The following PEBP4 variants were observed in gnomAD, a reference collection of about 807,000 sequenced individuals.
The protein encoded by PEBP4 is phosphatidylethanolamine-binding protein 4.
PEBP4 carries 22 observed loss-of-function variants against 23.9 expected under a neutral mutation model. That is an observed-to-expected ratio of 0.92 (90% CI 0.66 to 1.31). The LOEUF is 1.31. Ranked by LOEUF, PEBP4 falls within the 40% of genes most tolerant of loss-of-function variation. The pLI is 0.00. For missense variants in PEBP4, 324 were observed against 281.7 expected (o/e 1.15, Z -1.07); for synonymous variants, 112 against 99.3 (o/e 1.13, Z -0.76).
At chr8:22,927,531 C>G (rs1259733534) in intron 2 of PEBP4, 53 bp downstream of exon 2, 1 of 1,565,144 alleles carries the variant, frequency 6.4e-7, no homozygotes, top group East Asian at 2.3e-5. Flanking sequence ...TCCCTGCCAT[C>G]TACCTGCCTG....
chr8:22,913,814 T>G (rs558133846), intron 3 of PEBP4, among the ~76,000 whole-genome samples: 1 of 152,288 alleles, frequency 6.6e-6, no homozygotes, highest in African/African-American at 2.4e-5. Context: ...CTGCCAGAAT[T>G]TACTTATTTA....
intron 3 of PEBP4, among the ~76,000 whole-genome samples, chr8:22,833,075 G>C (rs1047683603): frequency 6.6e-6 from 1 of 152,146 alleles, no homozygotes; most frequent in Admixed American, 6.5e-5. Context: ...CACAATAAAG[G>C]TTCTTGCCCA....
intron 4 of PEBP4, among the ~76,000 whole-genome samples, chr8:22,810,909 A>AGAGG (rs1160866323): frequency 1.3e-5 from 2 of 151,142 alleles, no homozygotes; most frequent in South Asian, 2.1e-4. Flanking sequence ...AGAGAGAGAG[A>AGAGG]GAGAGAAACC....
intron 1 of PEBP4, among the ~76,000 whole-genome samples, chr8:22,932,969 C>T (rs1809481352): frequency 6.7e-6 from 1 of 150,318 alleles, no homozygotes; most frequent in African/African-American, 2.5e-5. Flanking sequence ...CGTACTACTG[C>T]ACTCTAGCCT....
chr8:22,777,530 G>A (rs1401327155), intron 4 of PEBP4, among the ~76,000 whole-genome samples: 1 of 152,160 alleles, frequency 6.6e-6, no homozygotes, highest in Non-Finnish European at 1.5e-5. Flanking sequence ...AGGCCACATT[G>A]ACAGGACCTC....
At chr8:22,919,825 G>T (rs568021023) in intron 3 of PEBP4, among the ~76,000 whole-genome samples, 1 of 152,196 alleles carries the variant, frequency 6.6e-6, no homozygotes, top group African/African-American at 2.4e-5. Flanking sequence ...CCCATACCAC[G>T]CCTTCTTCCA....
At chr8:22,776,811 C>T (rs905974457) in intron 4 of PEBP4, among the ~76,000 whole-genome samples, 2 of 149,254 alleles carry the variant, frequency 1.3e-5, no homozygotes, top group South Asian at 4.4e-4. Flanking sequence ...TCAATGAATC[C>T]CATGCCAGCT....
intron 4 of PEBP4, among the ~76,000 whole-genome samples, chr8:22,776,839 G>A (rs1805824307): frequency 6.6e-6 from 1 of 150,424 alleles, no homozygotes; most frequent in South Asian, 2.2e-4. Context: ...CCTCTTCAGA[G>A]CAGCGCTGAA....
At chr8:22,804,365 C>G (rs1806450524) in intron 4 of PEBP4, among the ~76,000 whole-genome samples, 1 of 152,110 alleles carries the variant, frequency 6.6e-6, no homozygotes, top group African/African-American at 2.4e-5. Flanking sequence ...AGTTTTTACC[C>G]CGTGTTGGAA....
At chr8:22,930,950 A>C (rs928897715), upstream of PEBP4, among the ~76,000 whole-genome samples, 1 of 152,046 alleles carries the variant, frequency 6.6e-6, no homozygotes, top group African/African-American at 2.4e-5. Context: ...AGACACCACC[A>C]TTCAAGCCAA....
chr8:22,841,088 C>T (rs1215679435), intron 3 of PEBP4, among the ~76,000 whole-genome samples: 2 of 152,220 alleles, frequency 1.3e-5, no homozygotes, highest in African/African-American at 2.4e-5. Context: ...TATTCTGCAG[C>T]CAACACACCA....
chr8:22,760,391 G>A (rs79151941), intron 4 of PEBP4, among the ~76,000 whole-genome samples: 181 of 152,232 alleles, frequency 1.2e-3, no homozygotes, highest in African/African-American at 3.6e-3. Context: ...TCTGGTAAAC[G>A]CCTCACAAGC....
chr8:22,773,605 C>T (rs932392759), intron 4 of PEBP4, among the ~76,000 whole-genome samples: 10 of 152,166 alleles, frequency 6.6e-5, no homozygotes, highest in Non-Finnish European at 1.5e-4. Context: ...CCGAAGCTAG[C>T]AAAGTCATCC....
intron 1 of PEBP4, among the ~76,000 whole-genome samples, chr8:22,940,210 T>A (rs1301606814): frequency 1.3e-5 from 2 of 152,182 alleles, no homozygotes; most frequent in South Asian, 4.1e-4. Flanking sequence ...TCTTCCTATA[T>A]CATGGAAGGG....
rs1003838835 is a variant in PEBP4 at position 22,738,558 on chromosome 8, C to T, written c.358-11338G>A. 2.0e-5 allele frequency among the ~76,000 whole-genome samples: 3 copies of T among 152,108 alleles called. No individual in the cohort carries two copies. The East Asian group carries it at 5.8e-4, about 29-fold the overall frequency. ...GAGATGGGAGAAGCTGGAGCTGGGA[C>T]CAGAATGAGGCCAAGGGGGCCTAGG... On this transcript the variant is annotated intron_variant, in intron 4 of 6. Transcript: ENST00000256404.
intron 3 of PEBP4, among the ~76,000 whole-genome samples, chr8:22,826,325 G>A (rs942048221): frequency 6.6e-6 from 1 of 152,210 alleles, no homozygotes; most frequent in Non-Finnish European, 1.5e-5. Context: ...GGGAAACTGA[G>A]GCTGCATGCA....
chr8:22,919,438 A>G (rs535596532), intron 3 of PEBP4, among the ~76,000 whole-genome samples: 26 of 152,290 alleles, frequency 1.7e-4, no homozygotes, highest in African/African-American at 5.5e-4. Flanking sequence ...CTGGCCCAGG[A>G]GTCAAGAAAT....
chr8:22,796,144 C>T (rs1382946339), intron 4 of PEBP4, among the ~76,000 whole-genome samples: 1 of 152,160 alleles, frequency 6.6e-6, no homozygotes, highest in Non-Finnish European at 1.5e-5. Flanking sequence ...CGCTTAGAGT[C>T]TAATGTTGGC....
At chr8:22,884,514 A>C (rs1808332841) in intron 3 of PEBP4, 1 of 152,200 alleles carries the variant, frequency 6.6e-6, no homozygotes, top group South Asian at 2.1e-4. Flanking sequence ...ATCGTGACTT[A>C]AGGCTCCGGG....
Sources: gnomAD v4.1 joint callset for allele counts (sites outside exome capture counted in the v4.1 genomes callset) on GRCh38, gnomAD v4.1.1 for gene constraint, MANE v1.5 for transcripts, NCBI Gene and HGNC (gene_info 2026-07-23, HGNC 2026-07-21) for gene names.